GSDME: variants seen among roughly 807,000 people sequenced by gnomAD.
The protein encoded by GSDME is gasdermin-E.
GSDME carries 44 observed loss-of-function variants against 47.5 expected under a neutral mutation model. The ratio of observed to expected loss-of-function variants is 0.93; its 90% CI spans 0.73 to 1.19. The LOEUF (loss-of-function observed/expected upper bound fraction) is 1.19, where lower values mean the gene tolerates loss of function less well. Among genes scored for constraint, GSDME ranks in the 50% most tolerant of loss-of-function variants. GSDME has a pLI of 0.00. For synonymous variants in GSDME, 258 were observed against 252.8 expected (o/e 1.02, Z -0.20); for missense variants, 663 against 604.2 (o/e 1.10, Z -1.02).
At chr7:24,760,571 C>T (rs10255734), upstream of GSDME, among the ~76,000 whole-genome samples, 4,063 of 152,222 alleles carry the variant, frequency 0.027, 197 homozygotes, top group African/African-American at 0.093. This position sits in a 1 kb window ranked among gnomAD's most constrained non-coding sequence, Gnocchi z 4.2. Flanking sequence ...GTTTCCTTGC[C>T]TTTATTAATT....
chr7:24,710,904 A>T (rs1014285383), intron 5 of GSDME, among the ~76,000 whole-genome samples: 2 of 152,228 alleles, frequency 1.3e-5, no homozygotes, highest in African/African-American at 4.8e-5. Flanking sequence ...ATATGAATGA[A>T]TTTCACAAAC....
At chr7:24,747,785 A>C (rs1166914858) in intron 2 of GSDME, among the ~76,000 whole-genome samples, 1 of 151,836 alleles carries the variant, frequency 6.6e-6, no homozygotes, top group African/African-American at 2.4e-5. Flanking sequence ...CTCCCACCTC[A>C]ACCTCTTGAG....
intron 3 of GSDME, among the ~76,000 whole-genome samples, chr7:24,729,741 G>A (rs754374974): frequency 5.9e-5 from 9 of 152,200 alleles, no homozygotes; most frequent in Non-Finnish European, 1.2e-4. Context: ...GAGGGCAACT[G>A]GTGAGAGATT....
rs192697217 is a variant in GSDME at position 24,714,484 on chromosome 7, C to A, written c.697+2770G>T. On this transcript the variant is annotated intron_variant, in intron 5 of 9. Coordinates refer to ENST00000645220, the MANE Select transcript of GSDME (RefSeq NM_001127453.2). This position sits in a 1 kb window ranked among gnomAD's most constrained non-coding sequence, Gnocchi z 5.0. Reference sequence around the variant, plus strand: ...GTTTAAAATCAGGCAGTGAATCACCCAGAACGATGACCTGACCACCAAGCC... The same window carrying A: ...GTTTAAAATCAGGCAGTGAATCACCAAGAACGATGACCTGACCACCAAGCC... Among the ~76,000 whole-genome samples the A allele has an allele frequency of 4.7e-3, 716 of 152,212 alleles. 26 individuals carry two copies. Among genetic ancestry groups the A allele is most frequent in the Admixed American group, 0.043 (656 of 15,294 alleles).
chr7:24,710,865 T>TA (rs1359447115), intron 5 of GSDME, among the ~76,000 whole-genome samples: 1 of 152,122 alleles, frequency 6.6e-6, no homozygotes. Context: ...TATACAGCAA[T>TA]AAAAAATAAA....
intron 1 of GSDME, among the ~76,000 whole-genome samples, chr7:24,750,951 T>C (rs1790838895): frequency 6.6e-6 from 1 of 152,178 alleles, no homozygotes; most frequent in Non-Finnish European, 1.5e-5. Flanking sequence ...TCCTCTCCCA[T>C]ACCATAAATA....
At chr7:24,708,062 C>G in intron 7 of GSDME, 65 bp downstream of exon 7, 1 of 1,602,096 alleles carries the variant, frequency 6.2e-7, no homozygotes, top group Non-Finnish European at 8.5e-7. Context: ...CAATTCCATC[C>G]TGCCTCCTCC....
the GSDME span, among the ~76,000 whole-genome samples, chr7:24,789,848 A>G: frequency 1.9e-4 from 29 of 152,118 alleles, no homozygotes; most frequent in Admixed American, 1.9e-3. Context: ...CATATAGTAC[A>G]CTTGTGCTGA....
At chr7:24,706,519 G>A in intron 7 of GSDME, 143 bp from the exon 8 acceptor site, 1 of 791,950 alleles carries the variant, frequency 1.3e-6, no homozygotes, top group East Asian at 2.7e-5. Context: ...TCTACGTTCT[G>A]AAATTGCTAA....
chr7:24,708,040 G>T, intron 7 of GSDME, 87 bp downstream of exon 7: 1 of 1,536,560 alleles, frequency 6.5e-7, no homozygotes, highest in Non-Finnish European at 9.0e-7. Context: ...GGAGGCGGGG[G>T]AACCTTTAAC....
At chr7:24,719,423 TG>T (rs1789693179) in intron 3 of GSDME, among the ~76,000 whole-genome samples, 1 of 152,086 alleles carries the variant, frequency 6.6e-6, no homozygotes, top group East Asian at 1.9e-4. Context: ...GCCGGGCCTC[TG>T]GGGGCCAGGC....
At position 24,742,577 on chromosome 7, in the gene GSDME, C is replaced by G. The variant is rs921810450; in HGVS notation, c.404+1985G>C. On this transcript the variant is annotated intron_variant, in intron 3 of 9. Transcript: ENST00000645220. The surrounding 1 kb of genome is among the most constrained non-coding windows in gnomAD (Gnocchi z 4.4). ...AGCCTCCTCATATGCTTCCTTTTAG[C>G]AAGAGCTTTTACACCTGAATCATGG... Among the ~76,000 whole-genome samples, 1 of 152,198 alleles carries G rather than the reference C, an allele frequency of 6.6e-6. No individual in the cohort carries two copies. Among genetic ancestry groups the G allele is most frequent in the African/African-American group, 2.4e-5 (1 of 41,448 alleles).
chr7:24,704,447 ATTATAT>A (rs1322329592), intron 8 of GSDME: 1 of 152,288 alleles, frequency 6.6e-6, no homozygotes, highest in South Asian at 2.1e-4. Flanking sequence ...AGGAGAGAAG[ATTATAT>A]TAAGAGGAAA....
the GSDME span, among the ~76,000 whole-genome samples, chr7:24,788,598 C>G: frequency 6.6e-6 from 1 of 152,290 alleles, no homozygotes; most frequent in East Asian, 1.9e-4. The surrounding 1 kb of genome is among the most constrained non-coding windows in gnomAD (Gnocchi z 4.6). Context: ...TCTAAGGGGA[C>G]AGTGATGTCC....
At chr7:24,758,454 C>T (rs546393410), upstream of GSDME, among the ~76,000 whole-genome samples, 58 of 152,280 alleles carry the variant, frequency 3.8e-4, no homozygotes, top group African/African-American at 1.1e-3. This position sits in a 1 kb window ranked among gnomAD's most constrained non-coding sequence, Gnocchi z 4.6. Context: ...GGTTACGAGC[C>T]CATTGCTCAG....
Position 24,742,202 on chromosome 7 carries a change from C to T in GSDME, c.404+2360G>A, listed in dbSNP as rs1790514675. On this transcript the variant is annotated intron_variant, in intron 3 of 9. Transcript: ENST00000645220. This position sits in a 1 kb window ranked among gnomAD's most constrained non-coding sequence, Gnocchi z 4.4. The stretch of plus-strand genomic sequence containing the variant: ...TCCTCCCTAGGGACGCGGGTTCATG[C>T]CTCGGCCTTAACATTCTGTGCTATC... Among the ~76,000 whole-genome samples the T allele has an allele frequency of 6.6e-6, 1 of 152,174 alleles. No individual in the cohort carries two copies. Among genetic ancestry groups the T allele is most frequent in the African/African-American group, 2.4e-5 (1 of 41,426 alleles).
rs188385347 is a variant in GSDME, at chr7:24,725,550, G to A, written c.405-6332C>T. ...CTCTTGAGTGAGCAATTCCTGTCCC[G>A]TTTAAGGGCTCACAACTCTAAGGGG... On this transcript the variant is annotated intron_variant, in intron 3 of 9. Coordinates refer to ENST00000645220, the MANE Select transcript of GSDME (RefSeq NM_001127453.2). The surrounding 1 kb of genome is among the most constrained non-coding windows in gnomAD (Gnocchi z 5.1). Among the ~76,000 whole-genome samples the A allele has an allele frequency of 1.9e-4, 29 of 152,204 alleles. No individual in the cohort carries two copies. The highest frequency in any genetic ancestry group is 6.7e-4 in the African/African-American group (28 of 41,522).
the GSDME span, among the ~76,000 whole-genome samples, chr7:24,771,344 A>T: frequency 6.6e-6 from 1 of 152,244 alleles, no homozygotes; most frequent in South Asian, 2.1e-4. This position sits in a 1 kb window ranked among gnomAD's most constrained non-coding sequence, Gnocchi z 4.1. Context: ...TTGTTTATTT[A>T]GAGTCAGCAG....
intron 9 of GSDME, among the ~76,000 whole-genome samples, chr7:24,701,571 G>T (rs1040331005): frequency 6.6e-6 from 1 of 152,048 alleles, no homozygotes; most frequent in African/African-American, 2.4e-5. Flanking sequence ...GACTAACTTA[G>T]TAAATGCTGA....
Sources: allele counts gnomAD v4.1 joint callset (sites outside exome capture counted in the v4.1 genomes callset), GRCh38; gene constraint gnomAD v4.1.1; non-coding constraint Gnocchi (gnomAD v3.1); transcripts MANE v1.5; gene names NCBI Gene and HGNC (gene_info 2026-07-23, HGNC 2026-07-21).